NRXN1: variants seen among roughly 807,000 people sequenced by gnomAD.
NRXN1 encodes the protein neurexin 1.
Under a neutral mutation model 150.9 loss-of-function variants are expected in NRXN1, and 39 were observed. The observed-to-expected ratio is 0.26, with a 90% confidence interval of 0.20 to 0.34. NRXN1 has a LOEUF of 0.34. Ranked by LOEUF, NRXN1 falls within the 10% of genes least tolerant of loss-of-function variation. NRXN1 has a pLI of 1.00. For missense variants in NRXN1, 1,815 were observed against 1,949.9 expected (o/e 0.93, Z 1.30); for synonymous variants, 924 against 757.0 (o/e 1.22, Z -3.62).
chr2:50,313,836 T>G (rs901328882), intron 17 of NRXN1, among the ~76,000 whole-genome samples: 31 of 152,180 alleles, frequency 2.0e-4, no homozygotes, highest in African/African-American at 6.7e-4. Flanking sequence ...GTTTTCATGA[T>G]TTTACTTGTT....
At position 50,329,578 on chromosome 2, in the gene NRXN1, A is replaced by AGTGTGTGT. The variant is rs55865684; in HGVS notation, c.3365-92616_3365-92609dup. Among the ~76,000 whole-genome samples, 299 of 33,902 alleles carry AGTGTGTGT rather than the reference A, an allele frequency of 8.8e-3. 13 individuals are homozygous for AGTGTGTGT. Among genetic ancestry groups the AGTGTGTGT allele is most frequent in the East Asian group, 0.042 (27 of 644 alleles). 22.2% of individuals were successfully genotyped at this position (33,902 alleles called of 152,430 possible). On this transcript the variant is annotated intron_variant, in intron 17 of 22. Coordinates refer to ENST00000401669, the MANE Select transcript of NRXN1 (RefSeq NM_001330078.2). ...AGATTAAACTATCATATATAACAGT[A>AGTGTGTGT]GTGTGTGTGTGTGTGTGTGTGTGTG...
At chr2:50,945,716 C>A (rs12616542) in intron 2 of NRXN1, among the ~76,000 whole-genome samples, 36,616 of 151,116 alleles carry the variant, frequency 0.24, 5,845 homozygotes, top group East Asian at 0.51. Context: ...TAGATACGGG[C>A]ACTGAAATAT....
chr2:49,952,691 G>A (rs1312926353), intron 21 of NRXN1, among the ~76,000 whole-genome samples: 1 of 152,136 alleles, frequency 6.6e-6, no homozygotes, highest in South Asian at 2.1e-4. Context: ...TGCAGGCTAT[G>A]CTGGCTACAA....
intron 8 of NRXN1, among the ~76,000 whole-genome samples, chr2:50,583,678 T>C (rs1225184379): frequency 2.6e-5 from 4 of 152,176 alleles, no homozygotes; most frequent in East Asian, 1.9e-4. Flanking sequence ...GTACAGGCAT[T>C]GTACTAAGGA....
At chr2:50,996,851 A>T (rs1227038962) in intron 2 of NRXN1, among the ~76,000 whole-genome samples, 1 of 152,040 alleles carries the variant, frequency 6.6e-6, no homozygotes, top group Admixed American at 6.6e-5. Context: ...TTACATTAGG[A>T]TTCTTCACAT....
intron 5 of NRXN1, among the ~76,000 whole-genome samples, chr2:50,759,306 A>T (rs1443972007): frequency 6.6e-6 from 1 of 151,888 alleles, no homozygotes; most frequent in Non-Finnish European, 1.5e-5. Flanking sequence ...AAACTCAGAA[A>T]TGGGACTGAT....
chr2:50,701,233 A>T (rs1376839193), intron 5 of NRXN1, among the ~76,000 whole-genome samples: 1 of 152,086 alleles, frequency 6.6e-6, no homozygotes, highest in South Asian at 2.1e-4. Context: ...CAATCTCATC[A>T]TCTCTGTCTC....
chr2:51,025,981 G>A (rs1670381698), intron 2 of NRXN1, among the ~76,000 whole-genome samples: 1 of 151,982 alleles, frequency 6.6e-6, no homozygotes, highest in African/African-American at 2.4e-5. Context: ...ATCCTGTGAA[G>A]GCTACAGAAG....
At chr2:50,640,332 G>T (rs1221219221) in intron 5 of NRXN1, among the ~76,000 whole-genome samples, 1 of 152,084 alleles carries the variant, frequency 6.6e-6, no homozygotes, top group Non-Finnish European at 1.5e-5. Context: ...TAAACTTTGT[G>T]TAATAATATC....
At chr2:50,927,699 A>G (rs1437056226) in intron 2 of NRXN1, among the ~76,000 whole-genome samples, 1 of 152,048 alleles carries the variant, frequency 6.6e-6, no homozygotes, top group Non-Finnish European at 1.5e-5. Flanking sequence ...CTTACTTAAC[A>G]AGATTATTTA....
chr2:50,004,217 C>G (rs1002832528), intron 21 of NRXN1, among the ~76,000 whole-genome samples: 34 of 152,142 alleles, frequency 2.2e-4, no homozygotes, highest in African/African-American at 7.5e-4. Flanking sequence ...AGGATAGTGA[C>G]AGGGTCAGAT....
At chr2:50,794,181 T>C (rs899204675) in intron 5 of NRXN1, among the ~76,000 whole-genome samples, 1 of 152,106 alleles carries the variant, frequency 6.6e-6, no homozygotes, top group African/African-American at 2.4e-5. Context: ...TTCAGGTTTC[T>C]TTGTTACATC....
chr2:49,959,985 CT>C (rs778208387), intron 21 of NRXN1, among the ~76,000 whole-genome samples: 8 of 152,174 alleles, frequency 5.3e-5, no homozygotes, highest in Non-Finnish European at 8.8e-5. Flanking sequence ...TGAATGTTCT[CT>C]TTTGCTTTTT....
chr2:50,726,492 T>C (rs1697378462), intron 5 of NRXN1, among the ~76,000 whole-genome samples: 1 of 152,220 alleles, frequency 6.6e-6, no homozygotes, highest in African/African-American at 2.4e-5. Context: ...GTTACATTTC[T>C]TGGTCATTTG....
At chr2:50,343,210 G>T (rs2077680211) in intron 17 of NRXN1, among the ~76,000 whole-genome samples, 1 of 152,122 alleles carries the variant, frequency 6.6e-6, no homozygotes, top group African/African-American at 2.4e-5. Flanking sequence ...TTTATCTCCT[G>T]AAATTATTGA....
intron 5 of NRXN1, among the ~76,000 whole-genome samples, chr2:50,853,204 A>C (rs1342033767): frequency 1.3e-5 from 2 of 152,154 alleles, no homozygotes; most frequent in Non-Finnish European, 2.9e-5. Flanking sequence ...AAACTTTTAC[A>C]CATTCTATAT....
chr2:50,853,415 G>A (rs902791804), intron 5 of NRXN1, among the ~76,000 whole-genome samples: 1 of 152,002 alleles, frequency 6.6e-6, no homozygotes, highest in Non-Finnish European at 1.5e-5. Context: ...AAATTTCTCT[G>A]TATCCATGTC....
At chr2:49,939,337 G>T (rs1572944452) in intron 22 of NRXN1, among the ~76,000 whole-genome samples, 1 of 152,188 alleles carries the variant, frequency 6.6e-6, no homozygotes, top group African/African-American at 2.4e-5. Context: ...GGCACTTTAG[G>T]ACAACACTGG....
intron 18 of NRXN1, among the ~76,000 whole-genome samples, chr2:50,190,969 T>C (rs930103613): frequency 2.0e-5 from 3 of 152,156 alleles, no homozygotes; most frequent in Admixed American, 1.3e-4. Context: ...AAACCTTTTA[T>C]TTTGAAATAC....
Sources: allele counts gnomAD v4.1 joint callset (sites outside exome capture counted in the v4.1 genomes callset), GRCh38; gene constraint gnomAD v4.1.1; transcripts MANE v1.5; gene names NCBI Gene and HGNC (gene_info 2026-07-23, HGNC 2026-07-21).